PHTF2: variants seen among roughly 807,000 people sequenced by gnomAD.
The protein encoded by PHTF2 is putative homeodomain transcription factor 2.
Under a neutral mutation model 101.2 loss-of-function variants are expected in PHTF2, and 60 were observed. The observed-to-expected ratio is 0.59, with a 90% CI of 0.48 to 0.73. The LOEUF (loss-of-function observed/expected upper bound fraction) is 0.73. Among genes scored for constraint, PHTF2 ranks in the 30% least tolerant of loss-of-function variants. The pLI, the probability that PHTF2 is intolerant of heterozygous loss-of-function variation, is 0.00. For synonymous variants in PHTF2, 311 were observed against 307.3 expected, an observed-to-expected ratio of 1.01 and a Z score of -0.13; for missense variants, 747 against 908.7, an observed-to-expected ratio of 0.82 and a Z score of 2.29.
intron 1 of PHTF2, among the ~76,000 whole-genome samples, chr7:77,809,224 GTTTTT>G (rs34141515): frequency 2.0e-5 from 2 of 98,510 alleles, no homozygotes; most frequent in Admixed American, 1.1e-4. Context: ...CCAGTTCGTT[GTTTTT>G]TTTTTTTTTT....
Position 77,940,324 on chromosome 7 carries a change from G to T in PHTF2, c.1740+22G>T. The T allele has an allele frequency of 1.9e-6, 3 of 1,545,360 alleles. No homozygotes were observed. The South Asian group carries it at 3.7e-5, about 19-fold the overall frequency. On this transcript the variant is annotated intron_variant, in intron 14 of 19. Transcript: ENST00000416283. ...ACAGGTGGGTATAATGTAGACTTCC[G>T]AATAAGAATATTTTATCGTTTTCAT... is the stretch of plus-strand genomic sequence containing the variant.
At chr7:77,803,892 A>T (rs1215494977) in intron 1 of PHTF2, among the ~76,000 whole-genome samples, 1 of 152,188 alleles carries the variant, frequency 6.6e-6, no homozygotes, top group African/African-American at 2.4e-5. Context: ...CACATTATCA[A>T]CTTTTTTCTG....
chr7:77,933,003 C>T lies in PHTF2; in HGVS notation c.1338+3676C>T, dbSNP rs552270194. Among the ~76,000 whole-genome samples the T allele has an allele frequency of 4.2e-4, 64 of 152,194 alleles. 1 individual carries two copies. Among genetic ancestry groups the T allele is most frequent in the African/African-American group, 1.5e-3 (61 of 41,506 alleles). ...CCTGTAATCCCAGCACTTTGGGAGG[C>T]CGAGGCGGGTGGATCACAAGGTTAG... is the stretch of plus-strand genomic sequence containing the variant. On this transcript the variant is annotated intron_variant, in intron 12 of 19. Transcript: ENST00000416283.
In PHTF2 at chr7:77,823,224, A is replaced by G. The variant is rs900671109; in HGVS notation, c.-35-16997A>G. On this transcript the variant is annotated intron_variant, in intron 1 of 19. Coordinates refer to ENST00000416283, the Ensembl canonical transcript of PHTF2. Reference sequence around the variant, plus strand: ...CGGCCAAATATTTAAATCTTAAATTACTCTCTTTTTTTTTGGAGACGGAGT... The same window carrying G: ...CGGCCAAATATTTAAATCTTAAATTGCTCTCTTTTTTTTTGGAGACGGAGT... Among the ~76,000 whole-genome samples the G allele has an allele frequency of 2.6e-5, 3 of 113,876 alleles. No individual in the cohort carries two copies. In the South Asian group the frequency reaches 8.0e-4, roughly 30 times the overall value. The allele number at this position is 113,876 out of a possible 152,430, so 74.7% of individuals were successfully genotyped here. A position where few individuals can be genotyped will look rare whatever the true frequency, so the allele number is the denominator to read the frequency against.
intron 15 of PHTF2, among the ~76,000 whole-genome samples, chr7:77,941,379 A>G (rs376806463): frequency 2.7e-4 from 41 of 152,230 alleles, no homozygotes; most frequent in African/African-American, 8.2e-4. Flanking sequence ...TTTTTTTCCT[A>G]TGACATATCT....
chr7:77,920,397 C>G (rs745779028), exon 10 of PHTF2: 1 of 1,613,256 alleles, frequency 6.2e-7, no homozygotes, highest in Non-Finnish European at 8.5e-7. Context: ...CCATGAACCT[C>G]AGTGTGAAAC....
intron 1 of PHTF2, among the ~76,000 whole-genome samples, chr7:77,825,358 T>G (rs1279046147): frequency 6.6e-6 from 1 of 152,118 alleles, no homozygotes; most frequent in Non-Finnish European, 1.5e-5. Flanking sequence ...TTCATACTTT[T>G]AGAGAAGTAG....
At chr7:77,943,907 A>G (rs1442439184) in intron 16 of PHTF2, among the ~76,000 whole-genome samples, 2 of 152,054 alleles carry the variant, frequency 1.3e-5, no homozygotes, top group African/African-American at 2.4e-5. Flanking sequence ...AATCCCAGCT[A>G]TTCAGGAGGC....
chr7:77,940,093 G>A (rs752290529), exon 14 of PHTF2: 1 of 1,613,186 alleles, frequency 6.2e-7, no homozygotes, highest in African/African-American at 1.3e-5. Context: ...TCTCATACTG[G>A]GTTTAACTCC....
chr7:77,946,130 G>GATA (rs1207608367), intron 16 of PHTF2, among the ~76,000 whole-genome samples: 1 of 152,176 alleles, frequency 6.6e-6, no homozygotes, highest in African/African-American at 2.4e-5. Flanking sequence ...ATGATAGTTT[G>GATA]TGCCTGGAAT....
chr7:77,868,555 G>A (rs767119211), intron 3 of PHTF2, among the ~76,000 whole-genome samples: 3 of 152,022 alleles, frequency 2.0e-5, no homozygotes, highest in South Asian at 2.1e-4. Flanking sequence ...ACAAATTTCA[G>A]TAAGTCAAAG....
At chr7:77,914,263 T>C (rs976072219) in intron 9 of PHTF2, among the ~76,000 whole-genome samples, 1 of 152,134 alleles carries the variant, frequency 6.6e-6, no homozygotes. Flanking sequence ...CAATGATCTC[T>C]GCCAAGGAGA....
chr7:77,868,402 C>T (rs1374286931), intron 3 of PHTF2, among the ~76,000 whole-genome samples: 1 of 131,836 alleles, frequency 7.6e-6, no homozygotes, highest in Non-Finnish European at 1.5e-5. Context: ...CTCCCGGCTT[C>T]AAGCAATCCT....
intron 3 of PHTF2, among the ~76,000 whole-genome samples, chr7:77,871,938 C>G (rs1244098566): frequency 2.0e-5 from 3 of 152,138 alleles, no homozygotes; most frequent in Non-Finnish European, 2.9e-5. Flanking sequence ...ATAGGTAAAC[C>G]CATATCTGGA....
At chr7:77,861,133 T>C (rs1462361732) in intron 3 of PHTF2, among the ~76,000 whole-genome samples, 1 of 152,130 alleles carries the variant, frequency 6.6e-6, no homozygotes, top group African/African-American at 2.4e-5. Context: ...CCTTATTCTT[T>C]AATTTCTTTT....
chr7:77,893,275 G>A (rs1390860039), intron 3 of PHTF2, among the ~76,000 whole-genome samples: 15 of 151,836 alleles, frequency 9.9e-5, no homozygotes, highest in Admixed American at 9.9e-4. Flanking sequence ...CCCTCAAGTA[G>A]GCCCTAGTGT....
At chr7:77,846,968 A>C (rs1037814770) in intron 2 of PHTF2, among the ~76,000 whole-genome samples, 2 of 152,124 alleles carry the variant, frequency 1.3e-5, no homozygotes, top group African/African-American at 2.4e-5. Flanking sequence ...AGTTCCCATG[A>C]AAGGAGCTTT....
intron 3 of PHTF2, among the ~76,000 whole-genome samples, chr7:77,867,050 C>T (rs1798126344): frequency 6.6e-6 from 1 of 152,172 alleles, no homozygotes. Flanking sequence ...CTGTTGTTTG[C>T]TCCATACATA....
At chr7:77,922,852 A>G (rs1425093579) in intron 11 of PHTF2, 74 bp downstream of exon 10, 41 of 1,292,480 alleles carry the variant, frequency 3.2e-5, no homozygotes, top group Non-Finnish European at 4.2e-5. Context: ...TCTTTCAACA[A>G]TTAAAAATTG....
Sources: allele counts gnomAD v4.1 joint callset (sites outside exome capture counted in the v4.1 genomes callset), GRCh38; gene constraint gnomAD v4.1.1; transcripts MANE v1.5; gene names NCBI Gene and HGNC (gene_info 2026-07-23, HGNC 2026-07-21).